AKAP7: variants seen among roughly 807,000 people sequenced by gnomAD.
AKAP7 encodes A-kinase anchoring protein 7.
In AKAP7, 39 loss-of-function variants were observed where a neutral mutation model predicts 39.5. The observed-to-expected ratio is 0.99, with a 90% CI of 0.76 to 1.29. AKAP7 has a LOEUF of 1.29. Among genes scored for constraint, AKAP7 ranks in the 50% most tolerant of loss-of-function variants. The pLI is 0.00. For missense variants in AKAP7, 414 were observed against 407.7 expected, an observed-to-expected ratio of 1.02 and a Z score of -0.13; for synonymous variants, 140 against 139.1, an observed-to-expected ratio of 1.01 and a Z score of -0.05.
chr6:131,155,527 GGTGATATTCTAACTAT>G (rs532573828), intron 2 of AKAP7, among the ~76,000 whole-genome samples: 12 of 152,194 alleles, frequency 7.9e-5, no homozygotes, highest in Admixed American at 3.3e-4. Flanking sequence ...ATTTTGAAAT[GGTGATATTCTAACTAT>G]CTTTTTGCAT....
At chr6:131,133,346 A>G (rs933702728), upstream of AKAP7, among the ~76,000 whole-genome samples, 2 of 152,190 alleles carry the variant, frequency 1.3e-5, no homozygotes, top group East Asian at 1.9e-4. Flanking sequence ...CCATTTGCTC[A>G]AAGAAAGCTG....
chr6:131,264,711 TAAAGA>T (rs1347527629), intron 7 of AKAP7, among the ~76,000 whole-genome samples: 2 of 152,148 alleles, frequency 1.3e-5, no homozygotes, highest in African/African-American at 4.8e-5. Context: ...GGGTAATTTA[TAAAGA>T]AAAGAGGTTT....
At chr6:131,188,787 A>G (rs1214860053) in intron 5 of AKAP7, among the ~76,000 whole-genome samples, 1 of 149,850 alleles carries the variant, frequency 6.7e-6, no homozygotes, top group Non-Finnish European at 1.5e-5. Context: ...TCCTGGGCTC[A>G]GGCAATTCTC....
intron 5 of AKAP7, among the ~76,000 whole-genome samples, chr6:131,196,557 C>T (rs1196272110): frequency 1.3e-5 from 2 of 152,084 alleles, no homozygotes; most frequent in African/African-American, 4.8e-5. Context: ...AGACACCGTG[C>T]TCAGCCTGCA....
At chr6:131,257,466 G>A (rs886445346) in intron 7 of AKAP7, among the ~76,000 whole-genome samples, 1 of 151,680 alleles carries the variant, frequency 6.6e-6, no homozygotes, top group Middle Eastern at 3.4e-3. Flanking sequence ...GTCAGACCTT[G>A]AATTTTTGAG....
intron 6 of AKAP7, among the ~76,000 whole-genome samples, chr6:131,212,565 A>G (rs939706891): frequency 6.6e-6 from 1 of 152,190 alleles, no homozygotes; most frequent in Non-Finnish European, 1.5e-5. Context: ...GTGTCAATGT[A>G]AATCGCAATG....
chr6:131,169,628 A>G (rs1277683763), intron 5 of AKAP7, among the ~76,000 whole-genome samples: 1 of 152,208 alleles, frequency 6.6e-6, no homozygotes, highest in Non-Finnish European at 1.5e-5. Flanking sequence ...TCTGAGCAGA[A>G]GGACCATTGG....
At chr6:131,146,043 A>G (rs991290941) in intron 2 of AKAP7, among the ~76,000 whole-genome samples, 29 of 152,316 alleles carry the variant, frequency 1.9e-4, no homozygotes, top group African/African-American at 7.0e-4. Context: ...AGCCACTGCT[A>G]ATTTCAGCAG....
At chr6:131,257,156 C>T (rs1812931388) in intron 7 of AKAP7, among the ~76,000 whole-genome samples, 1 of 152,040 alleles carries the variant, frequency 6.6e-6, no homozygotes. Flanking sequence ...CTGTGCTTGG[C>T]ATATAATAGA....
chr6:131,142,053 G>A (rs369116882), intron 1 of AKAP7, among the ~76,000 whole-genome samples: 1 of 151,972 alleles, frequency 6.6e-6, no homozygotes, highest in South Asian at 2.1e-4. Context: ...ATGACTTAAA[G>A]TTGCTTTCCT....
At position 131,281,700 on chromosome 6, in the gene AKAP7, A is replaced by C; in HGVS notation, c.1021A>C (p.Asn341His). The C allele has an allele frequency of 1.2e-6, 2 of 1,610,522 alleles. No individual in the cohort carries two copies. Among genetic ancestry groups the C allele is most frequent in the South Asian group, 1.1e-5 (1 of 90,524 alleles). Residue 341 changes from asparagine to histidine, a missense_variant, in exon 8 of 8, where the codon AAT (asparagine) becomes CAT (histidine). Transcript: ENST00000431975. This position sits in a 1 kb window ranked among gnomAD's most constrained non-coding sequence, Gnocchi z 4.0. Reference sequence around the variant, plus strand: ...AACCGAAGCAGCTGATCAGAATGGCAATGACAATGAGAACAACAGGAAATG... The same window carrying C: ...AACCGAAGCAGCTGATCAGAATGGCCATGACAATGAGAACAACAGGAAATG... The part of the protein sequence containing the change: ...VKTEAADQNG[N>H]DNENNRK
At chr6:131,154,708 A>G (rs1802262749) in intron 2 of AKAP7, among the ~76,000 whole-genome samples, 1 of 152,090 alleles carries the variant, frequency 6.6e-6, no homozygotes, top group African/African-American at 2.4e-5. Flanking sequence ...GTAATTCTTA[A>G]TGTCATCAAA....
intron 6 of AKAP7, among the ~76,000 whole-genome samples, chr6:131,208,171 C>T (rs1808309564): frequency 6.6e-6 from 1 of 152,072 alleles, no homozygotes; most frequent in African/African-American, 2.4e-5. Context: ...TTAAAGAGCA[C>T]TATTTATAAC....
chr6:131,165,503 T>A (rs991637787), intron 4 of AKAP7, among the ~76,000 whole-genome samples: 38 of 152,218 alleles, frequency 2.5e-4, no homozygotes, highest in Admixed American at 2.5e-3. Flanking sequence ...AAATTCTAGA[T>A]ACATATTCTG....
chr6:131,186,883 C>T (rs1006720000), intron 5 of AKAP7, among the ~76,000 whole-genome samples: 15 of 152,294 alleles, frequency 9.8e-5, no homozygotes, highest in South Asian at 4.1e-4. Flanking sequence ...TAGGTCTCAA[C>T]GTAAGAATTT....
In AKAP7 at chr6:131,153,179, G is replaced by A. The variant is rs1013428822; in HGVS notation, c.152-6880G>A. 7.3e-5 allele frequency among the ~76,000 whole-genome samples: 11 copies of A among 151,572 alleles called. 1 individual carries two copies. The highest frequency in any genetic ancestry group is 2.7e-4 in the African/African-American group (11 of 41,274). The stretch of plus-strand genomic sequence containing the variant: ...AGATTGGGCTCAATGTGTATCAAGT[G>A]TATGATAAATCAGCAGGGCTCACGG... On this transcript the variant is annotated intron_variant, in intron 2 of 7. Transcript: ENST00000431975.
chr6:131,257,487 GC>G (rs915923763), intron 7 of AKAP7, among the ~76,000 whole-genome samples: 3 of 151,860 alleles, frequency 2.0e-5, no homozygotes, highest in African/African-American at 7.3e-5. Flanking sequence ...TAGACTTGCA[GC>G]ATTGATCTGC....
intron 7 of AKAP7, among the ~76,000 whole-genome samples, chr6:131,243,733 T>C (rs956966737): frequency 1.3e-5 from 2 of 152,214 alleles, no homozygotes; most frequent in Non-Finnish European, 2.9e-5. Flanking sequence ...ACATAAAGAA[T>C]AATTAGGACC....
In AKAP7 at chr6:131,282,745, G is replaced by A; in HGVS notation, c.*1019G>A. On this transcript the variant is annotated 3_prime_UTR_variant, in exon 8 of 8. Transcript: ENST00000431975. ...TTTGGTGAGGAATTAGCAATTTCTT[G>A]CCAAAGAAAATTGATTCTGCCCAAT... 3.3e-6 allele frequency: 2 copies of A among 611,706 alleles called. No homozygotes were observed. Among genetic ancestry groups the A allele is most frequent in the Non-Finnish European group, 5.1e-6 (2 of 392,618 alleles). The allele number at this position is 611,706 out of a possible 1,614,324, so 37.9% of individuals were successfully genotyped here. A position where few individuals can be genotyped will look rare whatever the true frequency, so the allele number is the denominator to read the frequency against.
Sources: gnomAD v4.1 joint callset for allele counts (sites outside exome capture counted in the v4.1 genomes callset) on GRCh38, gnomAD v4.1.1 for gene constraint, Gnocchi (gnomAD v3.1) non-coding constraint, MANE v1.5 for transcripts, NCBI Gene and HGNC (gene_info 2026-07-23, HGNC 2026-07-21) for gene names.